Variants in CTNNA2 observed in about 807,000 individuals in gnomAD.
CTNNA2 encodes the protein catenin alpha 2, also known as catenin alpha-2.
CTNNA2 carries 42 observed loss-of-function variants against 101.0 expected under a neutral mutation model. That is an observed-to-expected ratio of 0.42 (90% confidence interval 0.32 to 0.54). CTNNA2 has a LOEUF of 0.54. Ranked by LOEUF, CTNNA2 falls within the 20% of genes least tolerant of loss-of-function variation. The pLI is 0.14. For missense variants in CTNNA2, 871 were observed against 1,223.1 expected (o/e 0.71, Z 4.29); for synonymous variants, 450 against 456.4 (o/e 0.99, Z 0.18).
At chr2:80,494,645 G>T (rs990325016) in intron 9 of CTNNA2, among the ~76,000 whole-genome samples, 1 of 134,156 alleles carries the variant, frequency 7.5e-6, no homozygotes, top group Non-Finnish European at 1.7e-5. Flanking sequence ...TATTCTGCAT[G>T]ATTTAGTTAG....
At chr2:80,138,790 C>T (rs768462506) in intron 7 of CTNNA2, among the ~76,000 whole-genome samples, 2 of 152,046 alleles carry the variant, frequency 1.3e-5, no homozygotes, top group Non-Finnish European at 2.9e-5. Context: ...TAGCACAAAG[C>T]CTGACACTAA....
At chr2:80,376,793 G>A (rs548285912) in intron 7 of CTNNA2, among the ~76,000 whole-genome samples, 1 of 152,232 alleles carries the variant, frequency 6.6e-6, no homozygotes, top group South Asian at 2.1e-4. Context: ...TTTCTGCAAG[G>A]CCATCCCTTC....
intron 7 of CTNNA2, among the ~76,000 whole-genome samples, chr2:80,095,689 C>G (rs1410655708): frequency 6.6e-6 from 1 of 152,076 alleles, no homozygotes; most frequent in African/African-American, 2.4e-5. Flanking sequence ...GAGCCTGTTA[C>G]TGGTCTATTC....
chr2:79,340,782 G>A (rs1292894010), intron 3 of CTNNA2, among the ~76,000 whole-genome samples: 15 of 142,502 alleles, frequency 1.1e-4, no homozygotes, highest in Non-Finnish European at 1.9e-4. Context: ...TGCAGTGAGC[G>A]GAGATCGCGC....
intron 2 of CTNNA2, among the ~76,000 whole-genome samples, chr2:79,688,655 G>A (rs1684095542): frequency 1.3e-5 from 2 of 151,942 alleles, no homozygotes; most frequent in Non-Finnish European, 2.9e-5. Context: ...CACTAGAAAA[G>A]TACTAAGTGA....
At chr2:79,480,637 G>A (rs1429406960) in intron 4 of CTNNA2, among the ~76,000 whole-genome samples, 1 of 151,952 alleles carries the variant, frequency 6.6e-6, no homozygotes, top group African/African-American at 2.4e-5. Context: ...AATTCCTCAA[G>A]TTAATTTACT....
chr2:80,530,316 T>C (rs552437729), intron 9 of CTNNA2, among the ~76,000 whole-genome samples: 2 of 152,270 alleles, frequency 1.3e-5, no homozygotes, highest in South Asian at 4.2e-4. Flanking sequence ...GCTGTTGCAA[T>C]TGCAGCCCTC....
At chr2:79,446,845 A>T (rs1263246461) in intron 4 of CTNNA2, among the ~76,000 whole-genome samples, 1 of 152,058 alleles carries the variant, frequency 6.6e-6, no homozygotes, top group Admixed American at 6.6e-5. Context: ...GATTTGTCCT[A>T]TATAGAGAAT....
At chr2:79,983,148 ATT>A (rs955387781) in intron 7 of CTNNA2, among the ~76,000 whole-genome samples, 38 of 149,244 alleles carry the variant, frequency 2.5e-4, no homozygotes, top group African/African-American at 6.6e-4. Context: ...ATATATATAT[ATT>A]TTGTATATCA....
chr2:79,437,464 A>G (rs1678729605), intron 4 of CTNNA2, among the ~76,000 whole-genome samples: 2 of 151,918 alleles, frequency 1.3e-5, no homozygotes, highest in South Asian at 2.1e-4. Flanking sequence ...AGCAAGGATC[A>G]GGAAAGCCAC....
At chr2:79,581,380 C>G (rs1676136695) in intron 1 of CTNNA2, among the ~76,000 whole-genome samples, 1 of 152,086 alleles carries the variant, frequency 6.6e-6, no homozygotes, top group Non-Finnish European at 1.5e-5. Context: ...CAGAAATTAG[C>G]TGGGCATGGT....
chr2:79,923,405 A>C (rs1255263680), intron 7 of CTNNA2, among the ~76,000 whole-genome samples: 1 of 151,742 alleles, frequency 6.6e-6, no homozygotes, highest in Non-Finnish European at 1.5e-5. Context: ...GTTGCTTGCA[A>C]TTTTGAGTAG....
At chr2:79,992,259 C>T (rs1331856130) in intron 7 of CTNNA2, among the ~76,000 whole-genome samples, 6 of 151,712 alleles carry the variant, frequency 4.0e-5, no homozygotes, top group African/African-American at 9.7e-5. Context: ...CCTGGAATGG[C>T]AACGTTCACA....
At chr2:79,490,615 A>T (rs1034591854) in intron 4 of CTNNA2, among the ~76,000 whole-genome samples, 1 of 152,222 alleles carries the variant, frequency 6.6e-6, no homozygotes, top group Non-Finnish European at 1.5e-5. Context: ...AGAAAGAGTT[A>T]TTACAACTGA....
intron 2 of CTNNA2, among the ~76,000 whole-genome samples, chr2:79,668,927 A>G (rs1682635727): frequency 1.3e-5 from 2 of 152,188 alleles, no homozygotes; most frequent in Non-Finnish European, 2.9e-5. Context: ...GGAATAAATA[A>G]TCACATGCAG....
chr2:79,414,519 G>A (rs1287144086), intron 4 of CTNNA2, among the ~76,000 whole-genome samples: 1 of 151,904 alleles, frequency 6.6e-6, no homozygotes, highest in East Asian at 1.9e-4. Context: ...AAATTCTATA[G>A]TATAGAAAAC....
chr2:80,093,148 C>G (rs1285843711), intron 7 of CTNNA2, among the ~76,000 whole-genome samples: 2 of 152,050 alleles, frequency 1.3e-5, no homozygotes, highest in African/African-American at 4.8e-5. Flanking sequence ...AGTGCTATCC[C>G]CCCTGCTCCC....
chr2:79,444,451 T>C (rs946437512), intron 4 of CTNNA2, among the ~76,000 whole-genome samples: 20 of 152,084 alleles, frequency 1.3e-4, no homozygotes, highest in African/African-American at 4.8e-4. Flanking sequence ...GAGTGGAGCA[T>C]AATAGGCAGC....
upstream of CTNNA2, among the ~76,000 whole-genome samples, chr2:79,509,735 G>T (rs1361272665): frequency 1.3e-5 from 2 of 152,184 alleles, no homozygotes; most frequent in Non-Finnish European, 1.5e-5. Context: ...AGTGAACTCT[G>T]ATGTAAACTA....
Sources: gnomAD v4.1 joint callset for allele counts (sites outside exome capture counted in the v4.1 genomes callset) on GRCh38, gnomAD v4.1.1 for gene constraint, MANE v1.5 for transcripts, NCBI Gene and HGNC (gene_info 2026-07-23, HGNC 2026-07-21) for gene names.